The following FLVCR2 variants were observed in gnomAD, a reference collection of about 807,000 sequenced individuals.
The protein encoded by FLVCR2 is FLVCR choline and putative heme transporter 2.
FLVCR2 carries 38 observed loss-of-function variants against 48.9 expected under a neutral mutation model. The ratio of observed to expected loss-of-function variants is 0.78; its 90% confidence interval spans 0.60 to 1.02. The LOEUF (loss-of-function observed/expected upper bound fraction) is 1.02. FLVCR2 is among the 50% of genes least tolerant of loss of function. The probability of loss-of-function intolerance (pLI) is 0.00; values close to 1 mark genes in which losing one functional copy is unlikely to be tolerated. For missense variants in FLVCR2, 664 were observed against 663.3 expected (o/e 1.00, Z -0.01); for synonymous variants, 255 against 257.0 (o/e 0.99, Z 0.07).
At chr14:75,609,560 G>C (rs1336202075) in intron 1 of FLVCR2, among the ~76,000 whole-genome samples, 1 of 152,158 alleles carries the variant, frequency 6.6e-6, no homozygotes, top group Non-Finnish European at 1.5e-5. Context: ...TGGCTTCTTA[G>C]GAAAAAGCTA....
intron 1 of FLVCR2, among the ~76,000 whole-genome samples, chr14:75,594,878 C>A (rs899029617): frequency 6.6e-6 from 1 of 152,142 alleles, no homozygotes; most frequent in Non-Finnish European, 1.5e-5. Context: ...ACTACCACAC[C>A]TGGCTAATTT....
At chr14:75,627,489 G>A (rs1021739837) in intron 3 of FLVCR2, among the ~76,000 whole-genome samples, 4 of 152,186 alleles carry the variant, frequency 2.6e-5, no homozygotes, top group African/African-American at 9.7e-5. Flanking sequence ...CAGCCTTGCA[G>A]CCATGGGGCT....
chr14:75,591,231 C>T (rs1025778148), intron 1 of FLVCR2, among the ~76,000 whole-genome samples: 15 of 152,198 alleles, frequency 9.9e-5, no homozygotes, highest in South Asian at 2.1e-4. Context: ...TTTGTAGAGA[C>T]GGAGTTTCGC....
rs150722117 is a variant in FLVCR2 at position 75,614,115 on chromosome 14, T to A, written c.670-7964T>A. ...ACTGAATGCTTTAAAATTGCTCATTTGGGTTGATGGGCTTACAGTAATCCA... is the reference window on the plus strand; with the variant it reads ...ACTGAATGCTTTAAAATTGCTCATTAGGGTTGATGGGCTTACAGTAATCCA... On this transcript the variant is annotated intron_variant, in intron 1 of 9. Transcript: ENST00000238667. 3.1e-3 allele frequency among the ~76,000 whole-genome samples: 468 copies of A among 152,370 alleles called. 2 individuals carry two copies. The highest frequency in any genetic ancestry group is 0.011 in the African/African-American group (443 of 41,590).
chr14:75,646,354 G>C, intron 9 of FLVCR2, 47 bp from the exon 10 acceptor site: 1 of 1,372,298 alleles, frequency 7.3e-7, no homozygotes, highest in Non-Finnish European at 1.0e-6. Flanking sequence ...CCAGGGTGGA[G>C]TGCTGTGCCT....
chr14:75,639,886 T>C (rs941208349), intron 6 of FLVCR2, among the ~76,000 whole-genome samples: 1 of 152,166 alleles, frequency 6.6e-6, no homozygotes, highest in African/African-American at 2.4e-5. Context: ...AAGATAATAG[T>C]GGCCTGCCTT....
intron 3 of FLVCR2, 70 bp downstream of exon 3, chr14:75,624,822 A>C (rs1263900375): frequency 1.9e-6 from 3 of 1,559,506 alleles, no homozygotes; most frequent in Admixed American, 1.7e-5. Context: ...ATGTGTCTTC[A>C]TATATTACTC....
At chr14:75,638,087 A>G (rs1890214225) in intron 5 of FLVCR2, among the ~76,000 whole-genome samples, 1 of 152,160 alleles carries the variant, frequency 6.6e-6, no homozygotes, top group Admixed American at 6.5e-5. Flanking sequence ...AGGCTGAGAG[A>G]ATATTCTCTC....
Position 75,578,656 on chromosome 14 carries a change from G to T in FLVCR2, c.-317G>T. The T allele has an allele frequency of 2.2e-6, 1 of 459,310 alleles. No homozygotes were observed. Among genetic ancestry groups the T allele is most frequent in the Non-Finnish European group, 4.0e-6 (1 of 251,326 alleles). The allele number at this position is 459,310 out of a possible 1,614,324, so 28.5% of individuals were successfully genotyped here. A position where few individuals can be genotyped will look rare whatever the true frequency, so the allele number is the denominator to read the frequency against. On this transcript the variant is annotated 5_prime_UTR_variant, in exon 1 of 10. Coordinates refer to ENST00000238667, the MANE Select transcript of FLVCR2 (RefSeq NM_017791.3). ...CGGGCGAAGTGGCTGCGCAAGGAGA[G>T]AACTTTTCCTGCACAAGGAACGCCT...
intron 3 of FLVCR2, among the ~76,000 whole-genome samples, chr14:75,633,342 G>A (rs987918682): frequency 6.6e-6 from 1 of 152,182 alleles, no homozygotes; most frequent in Non-Finnish European, 1.5e-5. Context: ...TGCCCTGGGA[G>A]TAATACTCAA....
At chr14:75,628,334 C>T (rs55902361) in intron 3 of FLVCR2, among the ~76,000 whole-genome samples, 8,140 of 152,100 alleles carry the variant, frequency 0.054, 248 homozygotes, top group Middle Eastern at 0.12. Flanking sequence ...AGGCTGGTCT[C>T]GAACTCCTGA....
At chr14:75,612,593 C>T (rs2140028451) in intron 1 of FLVCR2, among the ~76,000 whole-genome samples, 1 of 152,308 alleles carries the variant, frequency 6.6e-6, no homozygotes, top group South Asian at 2.1e-4. Context: ...TTGGAGATTT[C>T]ACAAATAACA....
At chr14:75,624,463 G>A (rs1278447833) in intron 2 of FLVCR2, 149 bp from the exon 3 acceptor site, 2 of 853,524 alleles carry the variant, frequency 2.3e-6, no homozygotes, top group East Asian at 2.4e-5. Flanking sequence ...TCAAGAAGGG[G>A]GCTGTTAAGG....
At chr14:75,616,293 C>T (rs1441463795) in intron 1 of FLVCR2, among the ~76,000 whole-genome samples, 1 of 151,336 alleles carries the variant, frequency 6.6e-6, no homozygotes, top group Non-Finnish European at 1.5e-5. Flanking sequence ...CGCCACTGCA[C>T]TCCAGCCTGG....
intron 1 of FLVCR2, among the ~76,000 whole-genome samples, chr14:75,591,806 CTTTTTTTTTTTTTT>C (rs1163085989): frequency 9.1e-6 from 1 of 109,312 alleles, no homozygotes; most frequent in Non-Finnish European, 1.8e-5. Flanking sequence ...CTCTTCATTC[CTTTTTTTTTTTTTT>C]TTTTTTTTTT....
rs560378445 is a variant in FLVCR2 at position 75,626,205 on chromosome 14, T to C, written c.952+1453T>C. 9.2e-5 allele frequency among the ~76,000 whole-genome samples: 14 copies of C among 152,316 alleles called. No individual in the cohort carries two copies. In the East Asian group the frequency reaches 2.7e-3, roughly 29 times the overall value. On this transcript the variant is annotated intron_variant, in intron 3 of 9. Coordinates refer to ENST00000238667, the MANE Select transcript of FLVCR2 (RefSeq NM_017791.3). ...CAGGGTTTTGTCATGTTGGCCAGTC[T>C]GGTCTCAAACTCCTGGCCTCAGGTG... is the stretch of plus-strand genomic sequence containing the variant.
chr14:75,630,878 C>T (rs1482690544), intron 3 of FLVCR2, among the ~76,000 whole-genome samples: 1 of 152,142 alleles, frequency 6.6e-6, no homozygotes, highest in African/African-American at 2.4e-5. Flanking sequence ...CCAGCAGGCT[C>T]ACCTTGCTGA....
chr14:75,633,747 G>C, intron 4 of FLVCR2, 51 bp downstream of exon 4: 2 of 1,435,546 alleles, frequency 1.4e-6, no homozygotes, highest in Non-Finnish European at 2.0e-6. Context: ...TAGTTTCTAA[G>C]TCTGTCTTGG....
chr14:75,628,661 G>C (rs1055822812), intron 3 of FLVCR2, among the ~76,000 whole-genome samples: 1 of 152,182 alleles, frequency 6.6e-6, no homozygotes, highest in East Asian at 1.9e-4. Context: ...TGCTGGACTC[G>C]TAAGTTCAGA....
Sources: allele counts gnomAD v4.1 joint callset (sites outside exome capture counted in the v4.1 genomes callset), GRCh38; gene constraint gnomAD v4.1.1; transcripts MANE v1.5; gene names NCBI Gene and HGNC (gene_info 2026-07-23, HGNC 2026-07-21).